Variants in ZC3H12B observed in about 807,000 individuals in gnomAD.
The protein encoded by ZC3H12B is probable ribonuclease ZC3H12B.
A neutral mutation model predicts 43.9 loss-of-function variants in ZC3H12B; 7 were observed. The observed-to-expected ratio is 0.16, with a 90% confidence interval of 0.09 to 0.30. The LOEUF is 0.30. Ranked by LOEUF, ZC3H12B falls within the 10% of genes least tolerant of loss-of-function variation. The pLI, the probability that ZC3H12B is intolerant of heterozygous loss-of-function variation, is 1.00. For missense variants in ZC3H12B, 475 were observed against 670.2 expected, an observed-to-expected ratio of 0.71 and a Z score of 3.22; for synonymous variants, 222 against 241.7, an observed-to-expected ratio of 0.92 and a Z score of 0.76.
the ZC3H12B span, among the ~76,000 whole-genome samples, chrX:65,056,103 G>C: frequency 2.7e-5 from 3 of 111,662 alleles, no homozygotes; most frequent in Non-Finnish European, 3.8e-5. Context: ...TTTCTACTCT[G>C]ATCTTAATTC....
chrX:65,392,622 C>A (rs2066639219), intron 2 of ZC3H12B, among the ~76,000 whole-genome samples: 1 of 110,847 alleles, frequency 9.0e-6, no homozygotes, highest in Non-Finnish European at 1.9e-5. Context: ...GCCGCCCCGT[C>A]TGGGAGGTGG....
chrX:65,175,933 C>T, the ZC3H12B span, among the ~76,000 whole-genome samples: 6 of 112,024 alleles, frequency 5.4e-5, no homozygotes, highest in Non-Finnish European at 1.1e-4. Flanking sequence ...ACCACTGGGG[C>T]CCTGGGTTTC....
At chrX:65,157,765 C>T in the ZC3H12B span, among the ~76,000 whole-genome samples, 41 of 107,416 alleles carry the variant, frequency 3.8e-4, no homozygotes, top group African/African-American at 1.4e-3. Flanking sequence ...TTTCCCTTTT[C>T]TTTTTTTTAT....
the ZC3H12B span, among the ~76,000 whole-genome samples, chrX:65,320,985 C>A: frequency 9.0e-6 from 1 of 111,701 alleles, no homozygotes; most frequent in Non-Finnish European, 1.9e-5. Context: ...AAAACAGGAC[C>A]TGGTAAAAAT....
chrX:65,251,265 T>C, the ZC3H12B span, among the ~76,000 whole-genome samples: 2 of 111,533 alleles, frequency 1.8e-5, no homozygotes, highest in Non-Finnish European at 3.8e-5. Flanking sequence ...TGGCGTTATT[T>C]CTGAGGGCTC....
the ZC3H12B span, among the ~76,000 whole-genome samples, chrX:65,216,597 G>T: frequency 1.8e-5 from 2 of 111,411 alleles, no homozygotes; most frequent in African/African-American, 3.3e-5. Context: ...TGAGGCAGTG[G>T]GCTTGAGATA....
the ZC3H12B span, among the ~76,000 whole-genome samples, chrX:65,339,210 A>G: frequency 9.0e-6 from 1 of 111,254 alleles, no homozygotes; most frequent in East Asian, 2.8e-4. Context: ...CACACTTCTA[A>G]CAGATCTCCA....
At chrX:65,165,807 A>G in the ZC3H12B span, among the ~76,000 whole-genome samples, 3 of 112,147 alleles carry the variant, frequency 2.7e-5, no homozygotes, top group South Asian at 1.1e-3. Flanking sequence ...TTGGGTGTAT[A>G]CCCAATAATG....
At chrX:65,382,585 A>G (rs1602350626) in intron 2 of ZC3H12B, among the ~76,000 whole-genome samples, 3 of 111,434 alleles carry the variant, frequency 2.7e-5, no homozygotes, top group Non-Finnish European at 3.8e-5. Flanking sequence ...TCAGCATAGT[A>G]TTGGAAGTTC....
At chrX:65,466,917 T>C (rs1214402855) in intron 3 of ZC3H12B, among the ~76,000 whole-genome samples, 24 of 12,207 alleles carry the variant, frequency 2.0e-3, no homozygotes, top group African/African-American at 2.9e-3. Flanking sequence ...TAAAACCAAA[T>C]ATATATATAT....
the ZC3H12B span, among the ~76,000 whole-genome samples, chrX:65,254,690 C>A: frequency 8.9e-6 from 1 of 112,062 alleles, no homozygotes; most frequent in East Asian, 2.8e-4. Context: ...AGATGCTGAG[C>A]AATGACTCTT....
At chrX:65,422,755 A>G (rs921180174) in intron 3 of ZC3H12B, among the ~76,000 whole-genome samples, 1 of 109,255 alleles carries the variant, frequency 9.2e-6, no homozygotes, top group African/African-American at 3.3e-5. Flanking sequence ...TAATTGATCA[A>G]CTGCCATTTA....
chrX:65,297,200 G>A, the ZC3H12B span, among the ~76,000 whole-genome samples: 2 of 111,067 alleles, frequency 1.8e-5, no homozygotes, highest in South Asian at 7.7e-4. Context: ...TAAAGAGAAA[G>A]TCAAACTGTC....
intron 3 of ZC3H12B, among the ~76,000 whole-genome samples, chrX:65,461,001 A>C (rs1158477083): frequency 1.8e-5 from 2 of 112,332 alleles, no homozygotes; most frequent in African/African-American, 6.5e-5. Context: ...ATGAACTCCA[A>C]CAAATTTACA....
chrX:65,163,096 G>A, the ZC3H12B span, among the ~76,000 whole-genome samples: 7 of 111,125 alleles, frequency 6.3e-5, no homozygotes, highest in Non-Finnish European at 1.1e-4. Context: ...TTTGTGAACC[G>A]TGAATGCTGC....
At chrX:65,212,335 T>C in the ZC3H12B span, among the ~76,000 whole-genome samples, 1 of 53,088 alleles carries the variant, frequency 1.9e-5, no homozygotes, top group Non-Finnish European at 3.1e-5. Flanking sequence ...TATTATATAA[T>C]ATATAATATA....
the ZC3H12B span, among the ~76,000 whole-genome samples, chrX:65,214,012 G>T: frequency 1.9e-4 from 21 of 110,910 alleles, no homozygotes; most frequent in Non-Finnish European, 2.6e-4. Context: ...ACACAATATG[G>T]TGTTCTCTTA....
At chrX:65,259,756 A>C in the ZC3H12B span, among the ~76,000 whole-genome samples, 1 of 112,144 alleles carries the variant, frequency 8.9e-6, no homozygotes, top group Non-Finnish European at 1.9e-5. Context: ...ATTATACGAA[A>C]AAGATGCTTG....
At chrX:65,197,575 A>G in the ZC3H12B span, among the ~76,000 whole-genome samples, 1 of 112,091 alleles carries the variant, frequency 8.9e-6, no homozygotes, top group African/African-American at 3.2e-5. Flanking sequence ...AAGTTTCCTA[A>G]TTACAGGGTT....
Sources: gnomAD v4.1 joint callset for allele counts (sites outside exome capture counted in the v4.1 genomes callset) on GRCh38, gnomAD v4.1.1 for gene constraint, MANE v1.5 for transcripts, NCBI Gene and HGNC (gene_info 2026-07-23, HGNC 2026-07-21) for gene names.